The following BTBD9 variants were observed in gnomAD, a reference collection of about 807,000 sequenced individuals.
BTBD9 encodes the protein BTB/POZ domain-containing protein 9.
In BTBD9, 49 loss-of-function variants were observed where a neutral mutation model predicts 64.3. The ratio of observed to expected loss-of-function variants is 0.76; its 90% CI spans 0.61 to 0.97. The LOEUF is 0.97. Among genes scored for constraint, BTBD9 ranks in the 50% least tolerant of loss-of-function variants. BTBD9 has a pLI of 0.00. For synonymous variants in BTBD9, 260 were observed against 274.7 expected, an observed-to-expected ratio of 0.95 and a Z score of 0.53; for missense variants, 598 against 762.1, an observed-to-expected ratio of 0.78 and a Z score of 2.53.
At chr6:38,228,256 G>C (rs1198488012) in intron 9 of BTBD9, among the ~76,000 whole-genome samples, 1 of 150,202 alleles carries the variant, frequency 6.7e-6, no homozygotes, top group East Asian at 2.0e-4. Flanking sequence ...AGTTACTCGG[G>C]AGGCAGAGGT....
intron 6 of BTBD9, among the ~76,000 whole-genome samples, chr6:38,407,412 T>C (rs1767216737): frequency 6.6e-6 from 1 of 152,116 alleles, no homozygotes; most frequent in Non-Finnish European, 1.5e-5. Context: ...TTCTTTGCAA[T>C]GTTATATTTA....
At chr6:38,238,588 T>C (rs1763877430) in intron 9 of BTBD9, among the ~76,000 whole-genome samples, 1 of 149,886 alleles carries the variant, frequency 6.7e-6, no homozygotes, top group South Asian at 2.1e-4. Flanking sequence ...TTGTCCTGCC[T>C]CAGCCTCCCG....
intron 6 of BTBD9, among the ~76,000 whole-genome samples, chr6:38,505,632 A>G (rs1225135901): frequency 6.6e-6 from 1 of 151,286 alleles, no homozygotes; most frequent in Non-Finnish European, 1.5e-5. Context: ...TCAAGAAAAA[A>G]AAAAAATCCC....
chr6:38,326,032 G>A (rs1189736545), intron 7 of BTBD9, among the ~76,000 whole-genome samples: 3 of 152,086 alleles, frequency 2.0e-5, no homozygotes, highest in Non-Finnish European at 2.9e-5. Flanking sequence ...ACATCTATAA[G>A]CATCATACTA....
At chr6:38,502,615 T>A (rs1056981513) in intron 6 of BTBD9, among the ~76,000 whole-genome samples, 3 of 152,172 alleles carry the variant, frequency 2.0e-5, no homozygotes, top group Non-Finnish European at 4.4e-5. Flanking sequence ...ATACCAAACC[T>A]GCAGAGATGA....
At chr6:38,326,114 A>T (rs541521752) in intron 7 of BTBD9, among the ~76,000 whole-genome samples, 1 of 152,250 alleles carries the variant, frequency 6.6e-6, no homozygotes, top group Non-Finnish European at 1.5e-5. Flanking sequence ...TTAATCTGAA[A>T]CTTAAAGGTA....
intron 1 of BTBD9, among the ~76,000 whole-genome samples, chr6:38,607,456 T>TAG (rs1466379280): frequency 6.6e-6 from 1 of 152,192 alleles, no homozygotes; most frequent in Non-Finnish European, 1.5e-5. Flanking sequence ...AAACTTAAAT[T>TAG]AGAAGCCTTT....
chr6:38,354,008 TC>T (rs1353939822), intron 6 of BTBD9, among the ~76,000 whole-genome samples: 6 of 152,150 alleles, frequency 3.9e-5, no homozygotes, highest in Non-Finnish European at 8.8e-5. Flanking sequence ...CCTTTTTTTT[TC>T]TTTTAGAGTA....
chr6:38,635,708 G>C (rs1778507309), intron 1 of BTBD9, among the ~76,000 whole-genome samples: 1 of 152,176 alleles, frequency 6.6e-6, no homozygotes, highest in Admixed American at 6.5e-5. Flanking sequence ...GCCCTCACCA[G>C]ATACTGGCAC....
At chr6:38,215,737 G>A (rs1201439042) in intron 9 of BTBD9, among the ~76,000 whole-genome samples, 1 of 152,184 alleles carries the variant, frequency 6.6e-6, no homozygotes, top group Non-Finnish European at 1.5e-5. Flanking sequence ...GGGCAGCCCT[G>A]GAGGGGTGTG....
intron 10 of BTBD9, among the ~76,000 whole-genome samples, chr6:38,179,148 G>A (rs1490716052): frequency 6.6e-6 from 1 of 152,136 alleles, no homozygotes; most frequent in Non-Finnish European, 1.5e-5. Context: ...ACCATGCCCA[G>A]CCTACGAGAC....
intron 6 of BTBD9, among the ~76,000 whole-genome samples, chr6:38,457,153 T>C (rs1769857018): frequency 6.6e-6 from 1 of 151,992 alleles, no homozygotes; most frequent in Non-Finnish European, 1.5e-5. Context: ...AGATAGGAGA[T>C]GAGGACAAAG....
chr6:38,381,847 T>G (rs1320593008), intron 6 of BTBD9, among the ~76,000 whole-genome samples: 1 of 151,920 alleles, frequency 6.6e-6, no homozygotes, highest in Non-Finnish European at 1.5e-5. Flanking sequence ...TCTAAATACA[T>G]TTCCAAAGAA....
intron 6 of BTBD9, among the ~76,000 whole-genome samples, chr6:38,444,257 A>G (rs1239165614): frequency 1.3e-5 from 2 of 152,230 alleles, no homozygotes; most frequent in East Asian, 3.8e-4. Flanking sequence ...AACAGGGATC[A>G]GTCATGTTTG....
intron 6 of BTBD9, among the ~76,000 whole-genome samples, chr6:38,525,643 T>C (rs1026953204): frequency 3.9e-5 from 6 of 152,136 alleles, no homozygotes; most frequent in African/African-American, 1.4e-4. Context: ...CAGGCTGAGG[T>C]GGTCTCAGAT....
chr6:38,522,305 C>CTA (rs1773305019), intron 6 of BTBD9, among the ~76,000 whole-genome samples: 2 of 152,190 alleles, frequency 1.3e-5, no homozygotes, highest in African/African-American at 4.8e-5. Context: ...CAATTTGAAC[C>CTA]TACTAGAGCT....
At chr6:38,434,961 G>A (rs969357672) in intron 6 of BTBD9, among the ~76,000 whole-genome samples, 2 of 151,876 alleles carry the variant, frequency 1.3e-5, no homozygotes, top group Non-Finnish European at 1.5e-5. Context: ...TTGGGAGGCC[G>A]AGGCAGGTGG....
chr6:38,389,818 T>A (rs1582346641), intron 6 of BTBD9, among the ~76,000 whole-genome samples: 1 of 152,308 alleles, frequency 6.6e-6, no homozygotes, highest in East Asian at 1.9e-4. Context: ...CAGGTTATAT[T>A]TTCTCTCTGG....
intron 9 of BTBD9, among the ~76,000 whole-genome samples, chr6:38,205,063 G>A (rs1454970921): frequency 1.3e-5 from 2 of 152,074 alleles, no homozygotes; most frequent in African/African-American, 2.4e-5. Context: ...AAAAATAGAA[G>A]AGAAAGTATA....
Sources: gnomAD v4.1 joint callset for allele counts (sites outside exome capture counted in the v4.1 genomes callset) on GRCh38, gnomAD v4.1.1 for gene constraint, MANE v1.5 for transcripts, NCBI Gene and HGNC (gene_info 2026-07-23, HGNC 2026-07-21) for gene names.